Variants in MACROD2 observed in about 807,000 individuals in gnomAD.
MACROD2 encodes ADP-ribose glycohydrolase MACROD2.
A neutral mutation model predicts 70.4 loss-of-function variants in MACROD2; 36 were observed. That is an observed-to-expected ratio of 0.51 (90% CI 0.39 to 0.68). The LOEUF (loss-of-function observed/expected upper bound fraction) is 0.68, where lower values mean the gene tolerates loss of function less well. MACROD2 is among the 30% of genes least tolerant of loss of function. The pLI, the probability that MACROD2 is intolerant of heterozygous loss-of-function variation, is 0.00. For missense variants in MACROD2, 496 were observed against 538.4 expected (o/e 0.92, Z 0.78); for synonymous variants, 172 against 178.8 (o/e 0.96, Z 0.30).
intron 8 of MACROD2, among the ~76,000 whole-genome samples, chr20:15,708,151 A>G (rs2050565248): frequency 6.6e-6 from 1 of 152,152 alleles, no homozygotes; most frequent in Non-Finnish European, 1.5e-5. Context: ...TTAATATATT[A>G]TTTATTCATC....
intron 3 of MACROD2, among the ~76,000 whole-genome samples, chr20:14,367,401 C>CT (rs959429704): frequency 2.0e-5 from 3 of 152,120 alleles, no homozygotes; most frequent in Non-Finnish European, 4.4e-5. Context: ...AGGTTGCTGC[C>CT]TAGTATCCTT....
chr20:15,651,697 C>A (rs146033043), intron 8 of MACROD2, among the ~76,000 whole-genome samples: 13 of 152,268 alleles, frequency 8.5e-5, no homozygotes, highest in African/African-American at 1.9e-4. Flanking sequence ...TCCAGTGGTC[C>A]TGAGGCTTCT....
chr20:15,222,306 T>TC (rs2076869105), intron 5 of MACROD2, among the ~76,000 whole-genome samples: 1 of 152,170 alleles, frequency 6.6e-6, no homozygotes, highest in Admixed American at 6.5e-5. Context: ...ATTGATTGTT[T>TC]CTTGAAATAT....
At chr20:16,034,333 A>G (rs1225719276) in intron 15 of MACROD2, among the ~76,000 whole-genome samples, 1 of 152,012 alleles carries the variant, frequency 6.6e-6, no homozygotes, top group Non-Finnish European at 1.5e-5. Context: ...ACGCTGTGTT[A>G]TTCCTCATTA....
intron 3 of MACROD2, chr20:14,327,235 T>C: frequency 6.2e-7 from 1 of 1,613,784 alleles, no homozygotes; most frequent in Non-Finnish European, 8.5e-7. Context: ...ACTGTTGTGG[T>C]ATAGGTATAT....
chr20:15,389,170 A>G (rs1317925631), intron 6 of MACROD2, among the ~76,000 whole-genome samples: 1 of 152,156 alleles, frequency 6.6e-6, no homozygotes, highest in African/African-American at 2.4e-5. Flanking sequence ...TGCCTCTTTC[A>G]AGAACCTAGG....
At chr20:16,019,274 A>G (rs958166495) in intron 15 of MACROD2, among the ~76,000 whole-genome samples, 5 of 152,184 alleles carry the variant, frequency 3.3e-5, no homozygotes, top group Non-Finnish European at 5.9e-5. Flanking sequence ...ACATTTTTTT[A>G]TATACTGTAG....
chr20:14,766,015 C>T (rs1438972278), intron 5 of MACROD2, among the ~76,000 whole-genome samples: 1 of 152,070 alleles, frequency 6.6e-6, no homozygotes, highest in Non-Finnish European at 1.5e-5. Flanking sequence ...CTTCTCTGCC[C>T]CTTCAAATCT....
chr20:15,719,932 C>A (rs78887666), intron 8 of MACROD2, among the ~76,000 whole-genome samples: 5,722 of 152,110 alleles, frequency 0.038, 152 homozygotes, highest in Middle Eastern at 0.058. Context: ...ACCCATTGAC[C>A]ATCCTCTCTT....
chr20:14,191,980 TGGGGGA>T (rs1054381868), intron 3 of MACROD2, among the ~76,000 whole-genome samples: 17 of 23,324 alleles, frequency 7.3e-4, no homozygotes, highest in South Asian at 3.9e-3. Context: ...GTATAGTTTG[TGGGGGA>T]GGGGGAGGGG....
intron 8 of MACROD2, among the ~76,000 whole-genome samples, chr20:15,544,532 A>C (rs2048001592): frequency 6.6e-6 from 1 of 152,192 alleles, no homozygotes; most frequent in South Asian, 2.1e-4. Flanking sequence ...CTGGCATGTT[A>C]TTCACCTGCG....
chr20:15,687,784 C>T (rs971157520), intron 8 of MACROD2, among the ~76,000 whole-genome samples: 1 of 152,064 alleles, frequency 6.6e-6, no homozygotes, highest in African/African-American at 2.4e-5. Flanking sequence ...TAGGTGGTGG[C>T]AGCAGGAGGT....
At chr20:14,847,805 C>T (rs2073159626) in intron 5 of MACROD2, among the ~76,000 whole-genome samples, 2 of 152,088 alleles carry the variant, frequency 1.3e-5, no homozygotes, top group South Asian at 4.1e-4. Context: ...AATTAATGAG[C>T]TGTTTGCCAC....
intron 5 of MACROD2, among the ~76,000 whole-genome samples, chr20:14,863,336 C>T (rs959871006): frequency 6.6e-6 from 1 of 152,110 alleles, no homozygotes; most frequent in Admixed American, 6.6e-5. Flanking sequence ...TCCCCGATCA[C>T]ACTGATACAG....
chr20:14,260,523 G>A (rs908033331), intron 3 of MACROD2, among the ~76,000 whole-genome samples: 7 of 151,952 alleles, frequency 4.6e-5, no homozygotes, highest in African/African-American at 9.7e-5. Flanking sequence ...TTTCAGTTAC[G>A]GACTCCTGGC....
chr20:15,537,851 C>T (rs776414481), intron 8 of MACROD2, among the ~76,000 whole-genome samples: 1 of 152,118 alleles, frequency 6.6e-6, no homozygotes, highest in Non-Finnish European at 1.5e-5. Flanking sequence ...TAGATCACGA[C>T]CCCAGTCATA....
At chr20:14,044,688 T>C (rs2053443684) in intron 2 of MACROD2, among the ~76,000 whole-genome samples, 1 of 152,100 alleles carries the variant, frequency 6.6e-6, no homozygotes, top group Non-Finnish European at 1.5e-5. Context: ...AGAGTGCTGA[T>C]TGGTGTGTTT....
At chr20:15,551,286 C>T (rs2146587644) in intron 8 of MACROD2, among the ~76,000 whole-genome samples, 1 of 151,494 alleles carries the variant, frequency 6.6e-6, no homozygotes, top group South Asian at 2.1e-4. Flanking sequence ...TCAGCAGGCT[C>T]TCCTATTTCA....
intron 3 of MACROD2, among the ~76,000 whole-genome samples, chr20:14,200,185 T>C (rs574167593): frequency 1.4e-3 from 219 of 152,324 alleles, no homozygotes; most frequent in Middle Eastern, 6.8e-3. Context: ...TACCATGGAA[T>C]ACTATGCAGC....
Sources: gnomAD v4.1 joint callset for allele counts (sites outside exome capture counted in the v4.1 genomes callset) on GRCh38, gnomAD v4.1.1 for gene constraint, MANE v1.5 for transcripts, NCBI Gene and HGNC (gene_info 2026-07-23, HGNC 2026-07-21) for gene names.